The following CSMD1 variants were observed in gnomAD, a reference collection of about 807,000 sequenced individuals.
The protein encoded by CSMD1 is CUB and sushi domain-containing protein 1.
A neutral mutation model predicts 417.5 loss-of-function variants in CSMD1; 213 were observed. That is an observed-to-expected ratio of 0.51 (90% CI 0.46 to 0.57). The LOEUF (loss-of-function observed/expected upper bound fraction) is 0.57, where lower values mean the gene tolerates loss of function less well. Among genes scored for constraint, CSMD1 ranks in the 20% least tolerant of loss-of-function variants. CSMD1 has a pLI of 0.00. For synonymous variants in CSMD1, 2,862 were observed against 1,736.8 expected (o/e 1.65, Z -16.11); for missense variants, 6,923 against 4,529.7 (o/e 1.53, Z -15.17).
At chr8:4,495,194 G>T (rs1033048247) in intron 2 of CSMD1, among the ~76,000 whole-genome samples, 13 of 152,132 alleles carry the variant, frequency 8.5e-5, no homozygotes, top group Admixed American at 2.0e-4. Flanking sequence ...AGAATTTCAT[G>T]AGAAATCCTG....
intron 3 of CSMD1, among the ~76,000 whole-genome samples, chr8:4,296,136 C>T (rs749781693): frequency 1.5e-4 from 23 of 152,128 alleles, no homozygotes; most frequent in Non-Finnish European, 2.2e-4. Flanking sequence ...CAATAAGAAG[C>T]GAAAATGGAA....
chr8:2,937,453 C>CAAAAAAAAAA lies in CSMD1; in HGVS notation c.*1122_*1131dup, dbSNP rs34727563. On this transcript the variant is annotated 3_prime_UTR_variant, in exon 70 of 70. Transcript: ENST00000635120. ...AGTAAAAGACAAAAAAAAAAAAAAACAAAAAAAAAACACTGCAAAAGGGAA... is the reference window on the plus strand; with the variant it reads ...AGTAAAAGACAAAAAAAAAAAAAAACAAAAAAAAAAAAAAAAAAAACACTGCAAAAGGGAA... 1.5e-5 allele frequency: 2 copies of CAAAAAAAAAA among 136,984 alleles called. No individual in the cohort carries two copies. The highest frequency in any genetic ancestry group is 1.5e-5 in the Non-Finnish European group (1 of 65,172). 8.5% of individuals were successfully genotyped at this position (136,984 alleles called of 1,614,324 possible).
chr8:4,697,616 T>C (rs1385946524), intron 1 of CSMD1, among the ~76,000 whole-genome samples: 1 of 152,162 alleles, frequency 6.6e-6, no homozygotes, highest in African/African-American at 2.4e-5. Flanking sequence ...AGTTCAACAT[T>C]ATAAGGCCAA....
intron 5 of CSMD1, among the ~76,000 whole-genome samples, chr8:3,771,403 T>A (rs1005157563): frequency 6.6e-6 from 1 of 152,178 alleles, no homozygotes; most frequent in Admixed American, 6.5e-5. Flanking sequence ...AAGGAGAGAT[T>A]TCATTCAAAA....
At chr8:2,996,463 C>A (rs886185422) in intron 54 of CSMD1, among the ~76,000 whole-genome samples, 2 of 152,200 alleles carry the variant, frequency 1.3e-5, no homozygotes, top group African/African-American at 4.8e-5. Flanking sequence ...CACGCACACA[C>A]GATTGTGAGG....
intron 2 of CSMD1, among the ~76,000 whole-genome samples, chr8:4,548,038 C>T (rs1056990226): frequency 1.9e-4 from 29 of 152,234 alleles, no homozygotes; most frequent in African/African-American, 6.3e-4. Context: ...TTGTGGGTTA[C>T]AGCCAACCCT....
At chr8:3,321,532 C>T (rs1806155508) in intron 23 of CSMD1, among the ~76,000 whole-genome samples, 1 of 152,158 alleles carries the variant, frequency 6.6e-6, no homozygotes, top group African/African-American at 2.4e-5. Context: ...CATGCAAATA[C>T]CCCATTACTT....
intron 3 of CSMD1, among the ~76,000 whole-genome samples, chr8:4,116,119 A>T (rs1263420464): frequency 6.6e-6 from 1 of 151,740 alleles, no homozygotes; most frequent in Admixed American, 6.6e-5. Context: ...CTACCTCCCA[A>T]GTAGCTGGGA....
At chr8:3,080,584 G>C (rs1219719662) in intron 49 of CSMD1, among the ~76,000 whole-genome samples, 1 of 152,184 alleles carries the variant, frequency 6.6e-6, no homozygotes, top group Admixed American at 6.5e-5. Context: ...AAGGGGTCTT[G>C]GGAAGATCTC....
intron 3 of CSMD1, among the ~76,000 whole-genome samples, chr8:4,374,542 C>A (rs1001067396): frequency 6.6e-6 from 1 of 152,006 alleles, no homozygotes; most frequent in Non-Finnish European, 1.5e-5. Context: ...GCTGGTCAGT[C>A]CCACTCAAGC....
At chr8:3,187,845 G>A in intron 36 of CSMD1, 24 bp downstream of exon 36, 2 of 1,571,476 alleles carry the variant, frequency 1.3e-6, no homozygotes, top group Non-Finnish European at 1.7e-6. Context: ...AGTCACACAG[G>A]TGAGGAAATT....
At chr8:4,833,469 T>C (rs186324955) in intron 1 of CSMD1, among the ~76,000 whole-genome samples, 49 of 152,278 alleles carry the variant, frequency 3.2e-4, no homozygotes, top group African/African-American at 9.6e-4. Context: ...TACCTCAGCA[T>C]TGGGGATTAC....
At chr8:3,479,582 C>G (rs1033700901) in intron 11 of CSMD1, among the ~76,000 whole-genome samples, 1 of 152,150 alleles carries the variant, frequency 6.6e-6, no homozygotes, top group African/African-American at 2.4e-5. Flanking sequence ...GCCCAGCCTG[C>G]CATTTCTTTC....
At chr8:4,943,880 A>G (rs912935355) in intron 1 of CSMD1, among the ~76,000 whole-genome samples, 10 of 152,240 alleles carry the variant, frequency 6.6e-5, no homozygotes, top group African/African-American at 2.4e-4. Flanking sequence ...TAAGAGCCCA[A>G]AACGCTTAAA....
rs542575148 is a variant in CSMD1, at chr8:3,691,068, G to T, written c.1009+17346C>A. On this transcript the variant is annotated intron_variant, in intron 7 of 69. Coordinates refer to ENST00000635120, the MANE Select transcript of CSMD1 (RefSeq NM_033225.6). ...CTAACACACATGGCGACATCCTCTA[G>T]CAAAACTGTATCAATGGGCCGGGCT... 2.0e-5 allele frequency among the ~76,000 whole-genome samples: 3 copies of T among 152,032 alleles called. No individual in the cohort carries two copies. In the South Asian group the frequency reaches 6.2e-4, roughly 32 times the overall value.
At chr8:4,878,065 G>T (rs1465329231) in intron 1 of CSMD1, among the ~76,000 whole-genome samples, 1 of 152,064 alleles carries the variant, frequency 6.6e-6, no homozygotes, top group Non-Finnish European at 1.5e-5. Flanking sequence ...AAGAATCTCT[G>T]TAAAATGATG....
chr8:3,577,694 T>G (rs1353979904), intron 9 of CSMD1, among the ~76,000 whole-genome samples: 1 of 152,200 alleles, frequency 6.6e-6, no homozygotes, highest in Non-Finnish European at 1.5e-5. Context: ...CTAACCCTCC[T>G]TCTTAGGACA....
At position 3,018,570 on chromosome 8, in the gene CSMD1, A is replaced by C; in HGVS notation, c.7936T>G (p.Phe2646Val). 6.2e-7 allele frequency: 1 copy of C among 1,613,810 alleles called. No homozygotes were observed. Among genetic ancestry groups the C allele is most frequent in the Non-Finnish European group, 8.5e-7 (1 of 1,179,852 alleles). The change falls in exon 52 of 70, where the codon TTT (phenylalanine) becomes GTT (valine). Residue 2646 changes from phenylalanine (F) to valine (V), a missense_variant. By Grantham distance (50) the Phe-to-Val change is conservative (BLOSUM62 -1). Coordinates refer to ENST00000635120, the MANE Select transcript of CSMD1 (RefSeq NM_033225.6). ...TLTVYGATAI[F>V]TCNTGYTLVG... ...AGCGTGTAGCCGGTGTTGCACGTAAATATAGCTGTGGCCCCATAAACTGTC... is the reference window on the plus strand; with the variant it reads ...AGCGTGTAGCCGGTGTTGCACGTAACTATAGCTGTGGCCCCATAAACTGTC...
At chr8:4,165,516 A>G (rs1263705692) in intron 3 of CSMD1, among the ~76,000 whole-genome samples, 1 of 152,080 alleles carries the variant, frequency 6.6e-6, no homozygotes, top group African/African-American at 2.4e-5. Flanking sequence ...TCATCCTCCC[A>G]CCTCAGCCTG....
Sources: allele counts gnomAD v4.1 joint callset (sites outside exome capture counted in the v4.1 genomes callset), GRCh38; gene constraint gnomAD v4.1.1; transcripts MANE v1.5; gene names NCBI Gene and HGNC (gene_info 2026-07-23, HGNC 2026-07-21).